The following GNPAT variants were observed in gnomAD, a reference collection of about 807,000 sequenced individuals.
GNPAT encodes dihydroxyacetone phosphate acyltransferase.
In GNPAT, 30 loss-of-function variants were observed where a neutral mutation model predicts 78.4. The ratio of observed to expected loss-of-function variants is 0.38; its 90% CI spans 0.29 to 0.52. GNPAT has a LOEUF of 0.52. GNPAT is among the 20% of genes least tolerant of loss of function. The pLI is 0.84. For synonymous variants in GNPAT, 271 were observed against 281.1 expected (o/e 0.96, Z 0.36); for missense variants, 714 against 812.2 (o/e 0.88, Z 1.47).
intron 15 of GNPAT, among the ~76,000 whole-genome samples, chr1:231,276,672 C>G (rs1685725965): frequency 6.6e-6 from 1 of 152,198 alleles, no homozygotes; most frequent in South Asian, 2.1e-4. Flanking sequence ...TAGAGCCTAT[C>G]AGCTATGAAG....
intron 1 of GNPAT, among the ~76,000 whole-genome samples, chr1:231,246,490 G>A (rs1346142674): frequency 1.3e-5 from 2 of 152,216 alleles, no homozygotes; most frequent in Admixed American, 6.5e-5. Context: ...CTCCAGAGCA[G>A]TTAAAAGGGA....
chr1:231,268,775 G>C (rs1030962458), intron 9 of GNPAT, among the ~76,000 whole-genome samples: 1 of 149,644 alleles, frequency 6.7e-6, no homozygotes, highest in Non-Finnish European at 1.5e-5. Context: ...GCATGGTGGC[G>C]TGCACCTGTA....
intron 2 of GNPAT, among the ~76,000 whole-genome samples, chr1:231,254,441 A>C (rs76206244): frequency 6.6e-6 from 1 of 151,610 alleles, no homozygotes; most frequent in Non-Finnish European, 1.5e-5. Flanking sequence ...TGTCACAGTG[A>C]AAAATTTTTT....
chr1:231,248,846 G>A (rs1345480373), intron 1 of GNPAT, among the ~76,000 whole-genome samples: 5 of 152,142 alleles, frequency 3.3e-5, no homozygotes, highest in Admixed American at 6.5e-5. Flanking sequence ...TGCTGTACAG[G>A]TTTGTAGCCT....
intron 13 of GNPAT, 31 bp downstream of exon 13, chr1:231,275,351 T>C: frequency 6.4e-7 from 1 of 1,572,950 alleles, no homozygotes; most frequent in Non-Finnish European, 8.8e-7. Context: ...TGCTGATTTC[T>C]TTTAGTTGAG....
chr1:231,275,825 TAATA>T (rs1476015176), intron 14 of GNPAT, among the ~76,000 whole-genome samples: 1 of 152,200 alleles, frequency 6.6e-6, no homozygotes, highest in Non-Finnish European at 1.5e-5. Flanking sequence ...AATACACACA[TAATA>T]CATATATAGA....
At chr1:231,245,596 C>T (rs1239341250) in intron 1 of GNPAT, among the ~76,000 whole-genome samples, 1 of 152,150 alleles carries the variant, frequency 6.6e-6, no homozygotes, top group Non-Finnish European at 1.5e-5. Flanking sequence ...TGTGCTACAG[C>T]AGTCTTCTAT....
chr1:231,247,788 T>C (rs759844518), intron 1 of GNPAT, among the ~76,000 whole-genome samples: 9 of 152,172 alleles, frequency 5.9e-5, no homozygotes, highest in Non-Finnish European at 1.3e-4. Flanking sequence ...GAACACGTAG[T>C]GTGTTTAGGG....
At chr1:231,265,595 T>G in intron 5 of GNPAT, 117 bp from the exon 6 acceptor site, 1 of 878,752 alleles carries the variant, frequency 1.1e-6, no homozygotes, top group Non-Finnish European at 1.9e-6. Flanking sequence ...ATTTTCACTG[T>G]AAGCTGTGTT....
intron 15 of GNPAT, among the ~76,000 whole-genome samples, chr1:231,276,663 AG>A (rs2102829587): frequency 6.6e-6 from 1 of 152,352 alleles, no homozygotes; most frequent in African/African-American, 2.4e-5. Context: ...ACTCTTCTCT[AG>A]AGCCTATCAG....
At chr1:231,242,344 G>A (rs1684636326) in intron 1 of GNPAT, among the ~76,000 whole-genome samples, 1 of 152,206 alleles carries the variant, frequency 6.6e-6, no homozygotes, top group South Asian at 2.1e-4. Context: ...TGGCTTAAAT[G>A]TAGTGTTCAT....
chr1:231,265,287 T>C lies in GNPAT; in HGVS notation c.569-6T>C. On this transcript the variant is annotated splice_region_variant and splice_polypyrimidine_tract_variant and intron_variant, in intron 4 of 15. Transcript: ENST00000366647. Reference sequence around the variant, plus strand: ...CTGCAAATAAATATTATCCCCTCTTTTTTAGACTTCCTGGGAATGAAAATG... The same window carrying C: ...CTGCAAATAAATATTATCCCCTCTTCTTTAGACTTCCTGGGAATGAAAATG... 6.2e-7 allele frequency: 1 copy of C among 1,607,554 alleles called. No individual in the cohort carries two copies. Among genetic ancestry groups the C allele is most frequent in the Non-Finnish European group, 8.5e-7 (1 of 1,173,934 alleles).
intron 1 of GNPAT, among the ~76,000 whole-genome samples, chr1:231,249,202 G>A (rs1465075315): frequency 6.6e-6 from 1 of 152,154 alleles, no homozygotes; most frequent in Admixed American, 6.6e-5. Flanking sequence ...ATTTGAGAAG[G>A]TTTTCCAGCC....
chr1:231,268,920 A>AT (rs397745331), intron 9 of GNPAT, among the ~76,000 whole-genome samples: 2 of 151,424 alleles, frequency 1.3e-5, no homozygotes, highest in Non-Finnish European at 2.9e-5. Flanking sequence ...AAAAAAAAAA[A>AT]TTGTACAGGC....
At position 231,265,708 on chromosome 1, in the gene GNPAT, A is replaced by G. The variant is rs1685362231; in HGVS notation, c.697-4A>G. The G allele has an allele frequency of 1.3e-6, 2 of 1,562,110 alleles. No individual in the cohort carries two copies. Among genetic ancestry groups the G allele is most frequent in the East Asian group, 2.2e-5 (1 of 44,664 alleles). On this transcript the variant is annotated splice_region_variant and splice_polypyrimidine_tract_variant and intron_variant, in intron 5 of 15. Transcript: ENST00000366647. ...TTTGTGTTTTGTTTGTTTTCTCTTTAAAGAATGGTTATGCTCCTGTTGAAT... is the reference window on the plus strand; with the variant it reads ...TTTGTGTTTTGTTTGTTTTCTCTTTGAAGAATGGTTATGCTCCTGTTGAAT...
Position 231,275,518 on chromosome 1 carries a change from C to T in GNPAT, c.1937+20C>T, listed in dbSNP as rs1163338866. ...GAAGATGTAAGTACTGTACAAGATC[C>T]CATGAGTGCTCAAGGAACAAGGAAA... On this transcript the variant is annotated intron_variant, in intron 14 of 15. Transcript: ENST00000366647. The T allele has an allele frequency of 2.3e-6, 3 of 1,315,832 alleles. No individual in the cohort carries two copies. Among genetic ancestry groups the T allele is most frequent in the Non-Finnish European group, 3.3e-6 (3 of 907,608 alleles). 81.5% of individuals were successfully genotyped at this position (1,315,832 alleles called of 1,614,324 possible). A position where few individuals can be genotyped will look rare whatever the true frequency, so the allele number is the denominator to read the frequency against.
intron 9 of GNPAT, 136 bp from the exon 10 acceptor site, chr1:231,270,622 C>T (rs1041253229): frequency 3.7e-5 from 31 of 843,302 alleles, no homozygotes; most frequent in Middle Eastern, 2.3e-4. Context: ...GTATCATTAC[C>T]GTAATTGGTA....
intron 1 of GNPAT, among the ~76,000 whole-genome samples, chr1:231,243,100 A>C (rs1251925946): frequency 1.3e-5 from 2 of 152,244 alleles, no homozygotes; most frequent in Non-Finnish European, 2.9e-5. Flanking sequence ...CATTATTCTC[A>C]GTTTCCAAGA....
chr1:231,243,533 A>C (rs1684670790), intron 1 of GNPAT, among the ~76,000 whole-genome samples: 1 of 152,178 alleles, frequency 6.6e-6, no homozygotes. Context: ...CGTGTTGGCC[A>C]GGCCGGTCTT....
Sources: gnomAD v4.1 joint callset for allele counts (sites outside exome capture counted in the v4.1 genomes callset) on GRCh38, gnomAD v4.1.1 for gene constraint, MANE v1.5 for transcripts, NCBI Gene and HGNC (gene_info 2026-07-23, HGNC 2026-07-21) for gene names.